Variants in TMC1 observed in about 807,000 individuals in gnomAD.
TMC1 encodes transmembrane channel-like protein 1.
In TMC1, 84 loss-of-function variants were observed where a neutral mutation model predicts 105.8. That is an observed-to-expected ratio of 0.79 (90% CI 0.67 to 0.95). The LOEUF is 0.95. TMC1 is among the 40% of genes least tolerant of loss of function. TMC1 has a pLI of 0.00. For synonymous variants in TMC1, 315 were observed against 311.5 expected (o/e 1.01, Z -0.12); for missense variants, 817 against 914.1 (o/e 0.89, Z 1.37).
At chr9:72,656,545 T>C (rs1825887643) in intron 5 of TMC1, among the ~76,000 whole-genome samples, 1 of 152,212 alleles carries the variant, frequency 6.6e-6, no homozygotes, top group Non-Finnish European at 1.5e-5. Flanking sequence ...ATAATTGTTT[T>C]ACTGTTGTTA....
chr9:72,565,486 A>C (rs547901981), intron 1 of TMC1, among the ~76,000 whole-genome samples: 31 of 152,218 alleles, frequency 2.0e-4, no homozygotes, highest in Admixed American at 3.3e-4. Context: ...CTTGCAAATT[A>C]TGAGGCAGTT....
chr9:72,636,845 T>A (rs1184000842), intron 4 of TMC1, among the ~76,000 whole-genome samples: 1 of 152,052 alleles, frequency 6.6e-6, no homozygotes, highest in East Asian at 1.9e-4. Context: ...CTGGAGACAA[T>A]TTTGGAACTT....
At chr9:72,766,905 G>C (rs1397387105) in intron 12 of TMC1, among the ~76,000 whole-genome samples, 1 of 152,256 alleles carries the variant, frequency 6.6e-6, no homozygotes, top group Non-Finnish European at 1.5e-5. Flanking sequence ...AGCCTAATGG[G>C]TCTGGCTGGA....
intron 1 of TMC1, among the ~76,000 whole-genome samples, chr9:72,563,009 G>T (rs1165167891): frequency 6.6e-6 from 1 of 152,236 alleles, no homozygotes; most frequent in East Asian, 1.9e-4. Flanking sequence ...CAGAGATGTG[G>T]CATTTGAACT....
chr9:72,806,792 G>C (rs1232836912), intron 18 of TMC1, among the ~76,000 whole-genome samples: 1 of 151,688 alleles, frequency 6.6e-6, no homozygotes, highest in African/African-American at 2.4e-5. Context: ...GGGCAGCCAG[G>C]CAGAGGGGCT....
intron 8 of TMC1, among the ~76,000 whole-genome samples, chr9:72,734,673 G>A (rs1351944641): frequency 6.6e-6 from 1 of 152,102 alleles, no homozygotes; most frequent in Non-Finnish European, 1.5e-5. Flanking sequence ...TCTTTTAGAT[G>A]GCAGTGTTTG....
chr9:72,551,359 G>A (rs1050561070), intron 1 of TMC1, among the ~76,000 whole-genome samples: 14 of 152,146 alleles, frequency 9.2e-5, no homozygotes, highest in Admixed American at 2.0e-4. Flanking sequence ...ATCTTATAGG[G>A]AAAGCAAACA....
At chr9:72,551,534 G>C (rs1823860601) in intron 1 of TMC1, among the ~76,000 whole-genome samples, 1 of 152,132 alleles carries the variant, frequency 6.6e-6, no homozygotes, top group African/African-American at 2.4e-5. Flanking sequence ...GGGGATTCAG[G>C]CTCCTCCACT....
chr9:72,824,404 G>C, intron 20 of TMC1, among the ~76,000 whole-genome samples: 1 of 152,348 alleles, frequency 6.6e-6, no homozygotes, highest in East Asian at 1.9e-4. Flanking sequence ...TGGGTCCCAA[G>C]CTCTTGTCCA....
intron 12 of TMC1, among the ~76,000 whole-genome samples, chr9:72,769,929 C>T (rs1268538129): frequency 3.3e-5 from 5 of 152,122 alleles, no homozygotes; most frequent in Admixed American, 6.5e-5. Context: ...GTTATTGTCA[C>T]CCTGGGACAG....
At chr9:72,764,988 G>T (rs978076005) in intron 12 of TMC1, among the ~76,000 whole-genome samples, 3 of 152,128 alleles carry the variant, frequency 2.0e-5, no homozygotes, top group Non-Finnish European at 4.4e-5. Flanking sequence ...CTGGACTCTT[G>T]AGAGAGCCCA....
intron 2 of TMC1, among the ~76,000 whole-genome samples, chr9:72,612,561 G>T (rs1825049986): frequency 6.6e-6 from 1 of 151,712 alleles, no homozygotes; most frequent in Non-Finnish European, 1.5e-5. Context: ...ACTTAACTCT[G>T]CTATCTCAGT....
chr9:72,679,735 T>G (rs1328127527), intron 5 of TMC1, among the ~76,000 whole-genome samples: 5 of 152,104 alleles, frequency 3.3e-5, no homozygotes, highest in Admixed American at 3.3e-4. Context: ...TCCCATGACC[T>G]AACAATACCA....
chr9:72,554,327 C>T (rs1464173452), intron 1 of TMC1, among the ~76,000 whole-genome samples: 1 of 152,172 alleles, frequency 6.6e-6, no homozygotes, highest in Non-Finnish European at 1.5e-5. Flanking sequence ...TTCCAGCTTA[C>T]TGAGCATTCC....
chr9:72,563,987 C>T (rs1454169616), intron 1 of TMC1, among the ~76,000 whole-genome samples: 1 of 150,536 alleles, frequency 6.6e-6, no homozygotes, highest in African/African-American at 2.5e-5. Context: ...TTTGAGATTC[C>T]AGCCTGGACA....
At chr9:72,745,335 A>G (rs1322689015) in intron 10 of TMC1, among the ~76,000 whole-genome samples, 3 of 152,164 alleles carry the variant, frequency 2.0e-5, no homozygotes, top group Admixed American at 1.3e-4. Context: ...TTCAAAACGT[A>G]TGCTTTTCCA....
intron 2 of TMC1, among the ~76,000 whole-genome samples, chr9:72,615,904 C>T (rs1193085075): frequency 6.6e-6 from 1 of 152,072 alleles, no homozygotes; most frequent in Non-Finnish European, 1.5e-5. Flanking sequence ...AGGCGTCCGT[C>T]ACCACACTCA....
chr9:72,782,122 T>C (rs1293377384), intron 13 of TMC1, among the ~76,000 whole-genome samples: 2 of 152,194 alleles, frequency 1.3e-5, no homozygotes, highest in African/African-American at 4.8e-5. Flanking sequence ...CATGATCAAG[T>C]AGGCTTTATT....
intron 5 of TMC1, chr9:72,655,741 CAA>C (rs34249073): frequency 0.015 from 6,067 of 398,996 alleles, 35 homozygotes; most frequent in African/African-American, 0.042. Context: ...GAATCCGTAT[CAA>C]AAAAAAAAAA....
Sources: gnomAD v4.1 joint callset for allele counts (sites outside exome capture counted in the v4.1 genomes callset) on GRCh38, gnomAD v4.1.1 for gene constraint, MANE v1.5 for transcripts, NCBI Gene and HGNC (gene_info 2026-07-23, HGNC 2026-07-21) for gene names.